The following IQCM variants were observed in gnomAD, a reference collection of about 807,000 sequenced individuals.
The protein encoded by IQCM is IQ motif containing M.
IQCM carries 45 observed loss-of-function variants against 57.6 expected under a neutral mutation model. That is an observed-to-expected ratio of 0.78 (90% confidence interval 0.62 to 1.00). The LOEUF (loss-of-function observed/expected upper bound fraction) is 1.00, where lower values mean the gene tolerates loss of function less well. IQCM is among the 50% of genes least tolerant of loss of function. The pLI is 0.00. For missense variants in IQCM, 468 were observed against 511.6 expected (o/e 0.91, Z 0.82); for synonymous variants, 148 against 158.9 (o/e 0.93, Z 0.51).
At chr4:149,774,049 C>G (rs1480516859) in intron 2 of IQCM, among the ~76,000 whole-genome samples, 2 of 152,104 alleles carry the variant, frequency 1.3e-5, no homozygotes, top group Non-Finnish European at 2.9e-5. Context: ...CTTTGTGCTT[C>G]TCTATCGTGA....
At chr4:149,353,555 T>A (rs938358604) in intron 13 of IQCM, among the ~76,000 whole-genome samples, 2 of 152,066 alleles carry the variant, frequency 1.3e-5, no homozygotes, top group African/African-American at 4.8e-5. Flanking sequence ...ATTGGACAAA[T>A]AGATTAAAGA....
intron 12 of IQCM, among the ~76,000 whole-genome samples, chr4:149,488,991 T>C (rs1436418552): frequency 1.3e-5 from 2 of 152,134 alleles, no homozygotes; most frequent in Admixed American, 6.6e-5. Context: ...ATCAACAAAT[T>C]CTAGTGATTT....
chr4:149,742,818 A>G (rs1767581580), intron 2 of IQCM, 79 bp from the exon 3 acceptor site: 2 of 589,178 alleles, frequency 3.4e-6, no homozygotes, highest in Non-Finnish European at 5.0e-6. Flanking sequence ...CTCATAGGTA[A>G]ATAGGGTGAA....
At position 149,626,182 on chromosome 4, in the gene IQCM, T is replaced by C. The variant is rs1402268175; in HGVS notation, c.566-4938A>G. Among the ~76,000 whole-genome samples the C allele has an allele frequency of 2.0e-5, 3 of 151,782 alleles. No homozygotes were observed. The East Asian group carries it at 5.9e-4, about 30-fold the overall frequency. ...ATCAACTGCCAGCATAGCTAGAATATAAGCAGGCAGAAAAATATGAAAAGA... is the reference window on the plus strand; with the variant it reads ...ATCAACTGCCAGCATAGCTAGAATACAAGCAGGCAGAAAAATATGAAAAGA... On this transcript the variant is annotated intron_variant, in intron 7 of 13. Transcript: ENST00000636793.
At chr4:149,695,125 T>C (rs1406198483) in intron 5 of IQCM, among the ~76,000 whole-genome samples, 2 of 152,182 alleles carry the variant, frequency 1.3e-5, no homozygotes, top group African/African-American at 4.8e-5. Flanking sequence ...CACATGTGTG[T>C]TATATAGAAT....
intron 2 of IQCM, among the ~76,000 whole-genome samples, chr4:149,814,737 T>C (rs988830264): frequency 2.0e-5 from 3 of 151,954 alleles, no homozygotes; most frequent in African/African-American, 7.2e-5. Context: ...ACCTATCTCT[T>C]GGATCTATTA....
At chr4:149,611,694 G>A (rs1755306191) in intron 8 of IQCM, among the ~76,000 whole-genome samples, 1 of 152,008 alleles carries the variant, frequency 6.6e-6, no homozygotes, top group South Asian at 2.1e-4. Flanking sequence ...AGAGTAATGG[G>A]GGTGGTGAGA....
chr4:149,704,999 C>G (rs962042573), intron 5 of IQCM, among the ~76,000 whole-genome samples: 1 of 151,594 alleles, frequency 6.6e-6, no homozygotes, highest in Non-Finnish European at 1.5e-5. Flanking sequence ...AGAACTTACA[C>G]CCCTGGTTCT....
intron 13 of IQCM, among the ~76,000 whole-genome samples, chr4:149,373,197 A>G (rs941740296): frequency 1.3e-5 from 2 of 152,124 alleles, no homozygotes; most frequent in Admixed American, 1.3e-4. Flanking sequence ...ATTTTTTTAA[A>G]TCACTACCCT....
intron 2 of IQCM, among the ~76,000 whole-genome samples, chr4:149,783,720 C>T (rs2150014307): frequency 6.6e-6 from 1 of 152,246 alleles, no homozygotes. Flanking sequence ...ATAAGACTAT[C>T]TCATCAGACT....
chr4:149,725,922 C>T (rs1580132866), intron 5 of IQCM, among the ~76,000 whole-genome samples: 1 of 151,942 alleles, frequency 6.6e-6, no homozygotes, highest in African/African-American at 2.4e-5. Context: ...TTCTACTAAT[C>T]CTATTTTCCT....
At chr4:149,657,583 T>C (rs1028279311) in intron 7 of IQCM, among the ~76,000 whole-genome samples, 1 of 152,120 alleles carries the variant, frequency 6.6e-6, no homozygotes, top group African/African-American at 2.4e-5. Flanking sequence ...GAAACCTCCA[T>C]ACTGTTTTCC....
intron 8 of IQCM, among the ~76,000 whole-genome samples, chr4:149,591,598 C>T (rs1328693518): frequency 1.3e-5 from 2 of 151,990 alleles, no homozygotes; most frequent in African/African-American, 4.8e-5. Flanking sequence ...GCTATCCCTC[C>T]CCTCTCCTCC....
chr4:149,602,886 A>G (rs1303743500), intron 8 of IQCM, among the ~76,000 whole-genome samples: 1 of 152,066 alleles, frequency 6.6e-6, no homozygotes, highest in Non-Finnish European at 1.5e-5. Flanking sequence ...TTCAAAACCA[A>G]CACTATTTAG....
chr4:149,633,155 G>A (rs1365977400), intron 7 of IQCM, among the ~76,000 whole-genome samples: 2 of 109,644 alleles, frequency 1.8e-5, no homozygotes, highest in African/African-American at 3.6e-5. Context: ...GCGACAGAGC[G>A]AGACTCCGTC....
intron 12 of IQCM, among the ~76,000 whole-genome samples, chr4:149,507,634 T>A (rs550331749): frequency 9.2e-5 from 14 of 152,114 alleles, no homozygotes; most frequent in Non-Finnish European, 1.8e-4. Context: ...ATTCAAGAGG[T>A]GACTTGGGTA....
In IQCM at chr4:149,359,308, A is replaced by G. The variant is rs535888427; in HGVS notation, c.1391-7242T>C. Among the ~76,000 whole-genome samples the G allele has an allele frequency of 3.9e-5, 6 of 152,240 alleles. No individual in the cohort carries two copies. The South Asian group carries it at 1.2e-3, about 32-fold the overall frequency. ...CAAAAGCAGTACCTATAATACCGGTATTTTAAAGTTATACAGATAGAAATA... is the reference window on the plus strand; with the variant it reads ...CAAAAGCAGTACCTATAATACCGGTGTTTTAAAGTTATACAGATAGAAATA... On this transcript the variant is annotated intron_variant, in intron 13 of 13. Transcript: ENST00000636793.
At chr4:149,595,585 G>C (rs1436410151) in intron 8 of IQCM, among the ~76,000 whole-genome samples, 1 of 152,100 alleles carries the variant, frequency 6.6e-6, no homozygotes, top group Non-Finnish European at 1.5e-5. Context: ...CATGTCCCTA[G>C]CGCCTTCTGT....
chr4:149,661,795 A>C (rs541977395), intron 7 of IQCM, among the ~76,000 whole-genome samples: 7 of 152,004 alleles, frequency 4.6e-5, no homozygotes, highest in Non-Finnish European at 8.8e-5. Flanking sequence ...ATCAAGTTGT[A>C]ATGTCTCCTT....
Sources: gnomAD v4.1 joint callset for allele counts (sites outside exome capture counted in the v4.1 genomes callset) on GRCh38, gnomAD v4.1.1 for gene constraint, MANE v1.5 for transcripts, NCBI Gene and HGNC (gene_info 2026-07-23, HGNC 2026-07-21) for gene names.